RPS6KC1: variants seen among roughly 807,000 people sequenced by gnomAD.
RPS6KC1 encodes the protein ribosomal protein S6 kinase C1, also known as inactive ribosomal protein S6 kinase delta-1.
RPS6KC1 carries 54 observed loss-of-function variants against 103.8 expected under a neutral mutation model. The ratio of observed to expected loss-of-function variants is 0.52; its 90% CI spans 0.42 to 0.65. The LOEUF is 0.65. Ranked by LOEUF, RPS6KC1 falls within the 30% of genes least tolerant of loss-of-function variation. RPS6KC1 has a pLI of 0.00. For synonymous variants in RPS6KC1, 439 were observed against 438.7 expected (o/e 1.00, Z -0.01); for missense variants, 1,151 against 1,253.8 (o/e 0.92, Z 1.24).
chr1:213,610,645 A>G, the RPS6KC1 span, among the ~76,000 whole-genome samples: 1 of 152,206 alleles, frequency 6.6e-6, no homozygotes, highest in Non-Finnish European at 1.5e-5. Context: ...CTATCCTGGA[A>G]GGTGATTATA....
At chr1:213,333,770 T>C in the RPS6KC1 span, among the ~76,000 whole-genome samples, 1 of 152,170 alleles carries the variant, frequency 6.6e-6, no homozygotes, top group Non-Finnish European at 1.5e-5. Context: ...GCAATTCTCC[T>C]GCCTCCTGAA....
At chr1:213,518,890 G>A in the RPS6KC1 span, among the ~76,000 whole-genome samples, 1 of 152,170 alleles carries the variant, frequency 6.6e-6, no homozygotes, top group Non-Finnish European at 1.5e-5. Flanking sequence ...TTTAGGAAAA[G>A]ATGATTGTAG....
chr1:213,091,959 C>T (rs796965272), intron 3 of RPS6KC1, among the ~76,000 whole-genome samples: 1 of 145,368 alleles, frequency 6.9e-6, no homozygotes, highest in Non-Finnish European at 1.5e-5. Context: ...CATTACATTT[C>T]TTTTTTTTTT....
At chr1:213,161,000 A>T (rs2090420897) in intron 6 of RPS6KC1, among the ~76,000 whole-genome samples, 1 of 151,370 alleles carries the variant, frequency 6.6e-6, no homozygotes, top group East Asian at 2.0e-4. Flanking sequence ...AGTATAATAA[A>T]AAAAATAGTG....
chr1:213,178,940 G>A (rs1387931312), intron 8 of RPS6KC1, among the ~76,000 whole-genome samples: 1 of 151,862 alleles, frequency 6.6e-6, no homozygotes, highest in African/African-American at 2.4e-5. Context: ...GGCTGGTTTC[G>A]AACTCCTGAC....
At chr1:213,313,033 T>G in the RPS6KC1 span, among the ~76,000 whole-genome samples, 2 of 152,152 alleles carry the variant, frequency 1.3e-5, no homozygotes, top group Admixed American at 1.3e-4. Flanking sequence ...ATATTTTTCT[T>G]TTTCTGAGTC....
the RPS6KC1 span, among the ~76,000 whole-genome samples, chr1:213,436,363 ACT>A: frequency 6.6e-6 from 1 of 152,080 alleles, no homozygotes; most frequent in South Asian, 2.1e-4. Context: ...TAAGTGGAAA[ACT>A]CTGTGATAGA....
At chr1:213,338,537 G>A in the RPS6KC1 span, among the ~76,000 whole-genome samples, 1 of 152,196 alleles carries the variant, frequency 6.6e-6, no homozygotes, top group African/African-American at 2.4e-5. Flanking sequence ...CATAGCAGGT[G>A]TTCAGTAAAC....
chr1:213,815,281 C>T, the RPS6KC1 span, among the ~76,000 whole-genome samples: 1 of 152,154 alleles, frequency 6.6e-6, no homozygotes, highest in African/African-American at 2.4e-5. Flanking sequence ...AAACCTCTTT[C>T]CCAGTTTCTT....
At chr1:213,760,416 C>T in the RPS6KC1 span, among the ~76,000 whole-genome samples, 2 of 152,146 alleles carry the variant, frequency 1.3e-5, no homozygotes, top group Admixed American at 1.3e-4. Context: ...ACATCCTCCC[C>T]CAGGTCAGCC....
intron 4 of RPS6KC1, among the ~76,000 whole-genome samples, chr1:213,109,378 C>A (rs2082796579): frequency 6.6e-6 from 1 of 151,712 alleles, no homozygotes; most frequent in Non-Finnish European, 1.5e-5. Flanking sequence ...ACCTCATGAT[C>A]CACCTGCCTC....
the RPS6KC1 span, among the ~76,000 whole-genome samples, chr1:213,612,309 C>A: frequency 2.0e-5 from 3 of 152,348 alleles, no homozygotes; most frequent in East Asian, 1.9e-4. Flanking sequence ...TGCATCATAC[C>A]TTTCTATGAT....
chr1:213,586,109 C>T, the RPS6KC1 span, among the ~76,000 whole-genome samples: 84 of 152,344 alleles, frequency 5.5e-4, no homozygotes, highest in Non-Finnish European at 1.1e-3. Context: ...TCCCTCCCCT[C>T]CCCTCCCGTT....
intron 1 of RPS6KC1, among the ~76,000 whole-genome samples, chr1:213,059,664 C>T (rs949616784): frequency 2.0e-5 from 3 of 152,038 alleles, no homozygotes; most frequent in African/African-American, 4.8e-5. Flanking sequence ...CAGGCATGTG[C>T]TACCACACCG....
chr1:213,418,895 C>G, the RPS6KC1 span, among the ~76,000 whole-genome samples: 1 of 152,228 alleles, frequency 6.6e-6, no homozygotes, highest in East Asian at 1.9e-4. Flanking sequence ...CTGCAGGTGG[C>G]TCGGCTGCCA....
the RPS6KC1 span, among the ~76,000 whole-genome samples, chr1:213,633,049 G>A: frequency 3.3e-5 from 5 of 152,196 alleles, no homozygotes; most frequent in Non-Finnish European, 7.3e-5. Flanking sequence ...GGGACTATGT[G>A]AAAAGACAAA....
At chr1:213,258,865 G>A (rs191800444) in intron 12 of RPS6KC1, among the ~76,000 whole-genome samples, 60 of 152,284 alleles carry the variant, frequency 3.9e-4, no homozygotes, top group African/African-American at 1.4e-3. Flanking sequence ...TGGGAATGGG[G>A]GTGAGGGTTA....
At chr1:213,715,033 G>A in the RPS6KC1 span, among the ~76,000 whole-genome samples, 2 of 152,138 alleles carry the variant, frequency 1.3e-5, no homozygotes, top group South Asian at 2.1e-4. Context: ...AGAACCAGAG[G>A]GATGGTTCAG....
chr1:213,529,345 C>T, the RPS6KC1 span, among the ~76,000 whole-genome samples: 1 of 152,074 alleles, frequency 6.6e-6, no homozygotes, highest in African/African-American at 2.4e-5. Flanking sequence ...TGTGAAAAGC[C>T]AGAGTACAGG....
Sources: gnomAD v4.1 joint callset for allele counts (sites outside exome capture counted in the v4.1 genomes callset) on GRCh38, gnomAD v4.1.1 for gene constraint, MANE v1.5 for transcripts, NCBI Gene and HGNC (gene_info 2026-07-23, HGNC 2026-07-21) for gene names.